The following STXBP5L variants were observed in gnomAD, a reference collection of about 807,000 sequenced individuals.
The protein encoded by STXBP5L is syntaxin-binding protein 5-like.
In STXBP5L, 65 loss-of-function variants were observed where a neutral mutation model predicts 144.5. The ratio of observed to expected loss-of-function variants is 0.45; its 90% confidence interval spans 0.37 to 0.55. STXBP5L has a LOEUF of 0.55. Ranked by LOEUF, STXBP5L falls within the 20% of genes least tolerant of loss-of-function variation. STXBP5L has a pLI of 0.00. For synonymous variants in STXBP5L, 505 were observed against 469.6 expected, an observed-to-expected ratio of 1.08 and a Z score of -0.97; for missense variants, 1,298 against 1,405.5, an observed-to-expected ratio of 0.92 and a Z score of 1.22.
intron 20 of STXBP5L, among the ~76,000 whole-genome samples, chr3:121,320,983 G>T (rs1161824679): frequency 2.6e-5 from 4 of 152,200 alleles, no homozygotes; most frequent in Non-Finnish European, 5.9e-5. Flanking sequence ...ACAGGCGTGA[G>T]CCACCGTGCC....
At chr3:121,230,529 G>A (rs2049272279) in intron 11 of STXBP5L, among the ~76,000 whole-genome samples, 1 of 151,032 alleles carries the variant, frequency 6.6e-6, no homozygotes, top group Admixed American at 6.6e-5. Context: ...GAGGACACAG[G>A]CATTCCCATC....
At chr3:121,107,290 C>T (rs1394871109) in intron 5 of STXBP5L, among the ~76,000 whole-genome samples, 2 of 151,950 alleles carry the variant, frequency 1.3e-5, no homozygotes, top group Admixed American at 6.6e-5. Flanking sequence ...AATCTTTGCC[C>T]GTGCCTATGT....
At chr3:121,320,979 G>A (rs1252706104) in intron 20 of STXBP5L, among the ~76,000 whole-genome samples, 3 of 152,158 alleles carry the variant, frequency 2.0e-5, no homozygotes, top group South Asian at 2.1e-4. Context: ...GATTACAGGC[G>A]TGAGCCACCG....
intron 11 of STXBP5L, among the ~76,000 whole-genome samples, chr3:121,232,401 A>G (rs1190313118): frequency 2.0e-5 from 3 of 152,140 alleles, no homozygotes; most frequent in Non-Finnish European, 4.4e-5. Flanking sequence ...CAAAATAAAA[A>G]TAAAAAAGAG....
intron 20 of STXBP5L, among the ~76,000 whole-genome samples, chr3:121,345,052 C>A (rs1398457416): frequency 6.6e-6 from 1 of 151,712 alleles, no homozygotes; most frequent in South Asian, 2.1e-4. Flanking sequence ...GGTACATGTG[C>A]ACAACATGCA....
intron 10 of STXBP5L, among the ~76,000 whole-genome samples, chr3:121,212,363 T>C (rs887009393): frequency 1.3e-5 from 2 of 152,222 alleles, no homozygotes; most frequent in African/African-American, 4.8e-5. Flanking sequence ...AGTTTAAGTC[T>C]TTAATCCATC....
At chr3:121,349,113 C>G (rs763915376) in intron 20 of STXBP5L, among the ~76,000 whole-genome samples, 130 of 152,130 alleles carry the variant, frequency 8.5e-4, no homozygotes, top group Non-Finnish European at 1.6e-3. Context: ...ACATTTCCCT[C>G]TACACACTGC....
At chr3:121,146,363 T>G (rs555175700) in intron 7 of STXBP5L, among the ~76,000 whole-genome samples, 15 of 152,104 alleles carry the variant, frequency 9.9e-5, no homozygotes, top group African/African-American at 2.9e-4. Context: ...ATATAATAAA[T>G]GTATGTATAA....
At chr3:121,182,807 A>G (rs2047214682) in intron 9 of STXBP5L, among the ~76,000 whole-genome samples, 2 of 152,228 alleles carry the variant, frequency 1.3e-5, no homozygotes, top group Non-Finnish European at 2.9e-5. Context: ...TAGAAATGAA[A>G]GGAGAGATAT....
intron 9 of STXBP5L, among the ~76,000 whole-genome samples, chr3:121,202,339 CT>C (rs1414379035): frequency 2.6e-5 from 4 of 152,060 alleles, no homozygotes; most frequent in Non-Finnish European, 5.9e-5. Context: ...CACCCACCTT[CT>C]TTTTCTTGTT....
Position 121,279,912 on chromosome 3 carries a change from A to T in STXBP5L, c.2066A>T (p.Gln689Leu). The T allele has an allele frequency of 1.2e-6, 2 of 1,612,564 alleles. No individual in the cohort carries two copies. The highest frequency in any genetic ancestry group is 1.7e-6 in the Non-Finnish European group (2 of 1,178,908). Residue 689 changes from glutamine (Q) to leucine (L), a missense_variant, in exon 19 of 27, where the codon CAG becomes CTG. Transcript: ENST00000471454. ...IDLYRSSDLY[Q>L]RQPRSPRKNK... ...CTATATAGATCAAGTGACTTATACC[A>T]GCGACAACCACGGTCTCCTCGAAAA...
chr3:121,186,277 A>C (rs2047378129), intron 9 of STXBP5L, among the ~76,000 whole-genome samples: 1 of 152,186 alleles, frequency 6.6e-6, no homozygotes, highest in Non-Finnish European at 1.5e-5. Context: ...TTCCTAATGA[A>C]TACACTTTAT....
At chr3:121,126,526 T>A (rs2044712024) in intron 7 of STXBP5L, among the ~76,000 whole-genome samples, 1 of 152,174 alleles carries the variant, frequency 6.6e-6, no homozygotes, top group Non-Finnish European at 1.5e-5. Flanking sequence ...AAAAATGTTC[T>A]TCTGTGATTA....
At chr3:121,133,185 C>T (rs972757580) in intron 7 of STXBP5L, among the ~76,000 whole-genome samples, 1 of 152,012 alleles carries the variant, frequency 6.6e-6, no homozygotes. Context: ...GCCTGGACAA[C>T]ATGACAAGAC....
intron 20 of STXBP5L, among the ~76,000 whole-genome samples, chr3:121,345,807 C>T (rs909556813): frequency 6.6e-6 from 1 of 151,936 alleles, no homozygotes; most frequent in Non-Finnish European, 1.5e-5. Flanking sequence ...TAGAAGTCTT[C>T]TTTTTTTATA....
chr3:120,958,177 G>C (rs951078623), intron 3 of STXBP5L, among the ~76,000 whole-genome samples: 1 of 152,102 alleles, frequency 6.6e-6, no homozygotes, highest in South Asian at 2.1e-4. Flanking sequence ...ATAAATTCCT[G>C]GACACATACA....
At chr3:121,296,689 G>A (rs2051662805) in intron 19 of STXBP5L, among the ~76,000 whole-genome samples, 1 of 151,864 alleles carries the variant, frequency 6.6e-6, no homozygotes, top group South Asian at 2.1e-4. Context: ...GAAAGAGTGG[G>A]CTTTTGATAG....
chr3:121,141,826 C>G (rs1323125250), intron 7 of STXBP5L, among the ~76,000 whole-genome samples: 3 of 151,706 alleles, frequency 2.0e-5, no homozygotes, highest in African/African-American at 7.3e-5. Flanking sequence ...AGGAAGACAG[C>G]AAGAGAGGAA....
chr3:121,192,518 A>C (rs1405461530), intron 9 of STXBP5L, among the ~76,000 whole-genome samples: 1 of 152,190 alleles, frequency 6.6e-6, no homozygotes, highest in Non-Finnish European at 1.5e-5. Flanking sequence ...TACCAAGACA[A>C]TCCAAAGCCA....
Sources: allele counts gnomAD v4.1 joint callset (sites outside exome capture counted in the v4.1 genomes callset), GRCh38; gene constraint gnomAD v4.1.1; transcripts MANE v1.5; gene names NCBI Gene and HGNC (gene_info 2026-07-23, HGNC 2026-07-21).